Variants in DUSP22 observed in about 807,000 individuals in gnomAD.
DUSP22 encodes the protein dual specificity protein phosphatase 22.
Under a neutral mutation model 24.5 loss-of-function variants are expected in DUSP22, and 24 were observed. The observed-to-expected ratio is 0.98, with a 90% confidence interval of 0.71 to 1.38. DUSP22 has a LOEUF of 1.38. Ranked by LOEUF, DUSP22 falls within the 40% of genes most tolerant of loss-of-function variation. The pLI is 0.00. For synonymous variants in DUSP22, 160 were observed against 106.4 expected (o/e 1.50, Z -3.10); for missense variants, 330 against 269.2 (o/e 1.23, Z -1.58).
intron 2 of DUSP22, among the ~76,000 whole-genome samples, chr6:306,917 T>C (rs1757836259): frequency 6.6e-6 from 1 of 152,306 alleles, no homozygotes; most frequent in Admixed American, 6.5e-5. Context: ...GTAGCGGGGC[T>C]GACCCAGACA....
chr6:348,131 C>G lies in DUSP22; in HGVS notation c.292C>G (p.Leu98Val), dbSNP rs369725676. ...GGCCGGGGTCTCCAGGAGCGTGACACTGGTGATCGCATACATCATGACCGT... is the reference window on the plus strand; with the variant it reads ...GGCCGGGGTCTCCAGGAGCGTGACAGTGGTGATCGCATACATCATGACCGT... Reference protein sequence around the residue: ...CLAGVSRSVTLVIAYIMTVTD... With the variant: ...CLAGVSRSVTVVIAYIMTVTD... The change falls in exon 6 of 7, where the codon CTG becomes GTG. Residue 98 changes from leucine (L) to valine (V), a missense_variant. Physicochemically the swap from Leu to Val is conservative, Grantham distance 32 (BLOSUM62 1). Transcript: ENST00000419235. The G allele has an allele frequency of 5.6e-6, 9 of 1,614,164 alleles. No individual in the cohort carries two copies. The highest frequency in any genetic ancestry group is 6.8e-6 in the Non-Finnish European group (8 of 1,180,050).
intron 4 of DUSP22, among the ~76,000 whole-genome samples, chr6:336,198 G>A (rs1051714992): frequency 7.2e-5 from 11 of 152,420 alleles, no homozygotes; most frequent in African/African-American, 2.4e-4. Flanking sequence ...ATGCCACTGA[G>A]TCTGGCCTCT....
At chr6:331,930 G>C (rs1481904242) in intron 3 of DUSP22, among the ~76,000 whole-genome samples, 1 of 152,312 alleles carries the variant, frequency 6.6e-6, no homozygotes, top group Admixed American at 6.5e-5. Context: ...GTGGCCAGGA[G>C]GGACGCTGGT....
chr6:347,823 C>T (rs1164103671), intron 5 of DUSP22, among the ~76,000 whole-genome samples: 1 of 152,296 alleles, frequency 6.6e-6, no homozygotes, highest in Admixed American at 6.5e-5. Context: ...TGAGGAGGGG[C>T]TGAGGAGCAA....
At chr6:334,702 G>A (rs923743177) in intron 3 of DUSP22, among the ~76,000 whole-genome samples, 6 of 152,296 alleles carry the variant, frequency 3.9e-5, no homozygotes, top group Non-Finnish European at 7.3e-5. Context: ...TTTCACTCTT[G>A]TTAAGGTTTT....
intron 2 of DUSP22, among the ~76,000 whole-genome samples, chr6:306,748 A>G (rs1757828068): frequency 6.6e-6 from 1 of 152,308 alleles, no homozygotes; most frequent in South Asian, 2.1e-4. Flanking sequence ...TATCGGGAAC[A>G]CACGATGTGC....
intron 3 of DUSP22, among the ~76,000 whole-genome samples, chr6:333,102 C>T (rs1241656322): frequency 1.3e-5 from 2 of 152,290 alleles, no homozygotes; most frequent in Non-Finnish European, 2.9e-5. Context: ...CCTTGAAGTC[C>T]GAGCTGTAAT....
chr6:336,280 C>T (rs909219364), intron 4 of DUSP22, among the ~76,000 whole-genome samples: 8 of 152,300 alleles, frequency 5.3e-5, no homozygotes, highest in Non-Finnish European at 8.8e-5. Flanking sequence ...CTGTGTGTTA[C>T]TGCATGTCAC....
At position 311,892 on chromosome 6, in the gene DUSP22, C is replaced by T. The variant is rs147959810; in HGVS notation, c.68C>T (p.Ala23Val). The T allele has an allele frequency of 4.2e-5, 68 of 1,611,936 alleles. No homozygotes were observed. The highest frequency in any genetic ancestry group is 2.2e-4 in the East Asian group (10 of 44,676). ...TCTTCTCTGACAGATGCCAGAGACG[C>T]GGAACAATTGAGCAAGAACAAGGTG... is the stretch of plus-strand genomic sequence containing the variant. ...YIGNFKDARD[A>V]EQLSKNKVTH... The change falls in exon 3 of 7, where the codon GCG (alanine) becomes GTG (valine). Residue 23 changes from alanine to valine, a missense_variant. Transcript: ENST00000419235.
rs751391694 is a variant in DUSP22, at chr6:311,982, C to T, written c.138+20C>T. On this transcript the variant is annotated intron_variant, in intron 3 of 6. Coordinates refer to ENST00000419235, the MANE Select transcript of DUSP22 (RefSeq NM_001286555.3). The stretch of plus-strand genomic sequence containing the variant: ...TTGGAGGTAAGAGAGCACCGTGGGG[C>T]GTGTGTGGGTGTCCTCATTTGTATT... 32 of 1,604,144 alleles carry T rather than the reference C, an allele frequency of 2.0e-5. No homozygotes were observed. Among genetic ancestry groups the T allele is most frequent in the South Asian group, 7.8e-5 (7 of 89,832 alleles).
At chr6:308,839 G>C (rs940995527) in intron 2 of DUSP22, among the ~76,000 whole-genome samples, 1 of 152,308 alleles carries the variant, frequency 6.6e-6, no homozygotes, top group Non-Finnish European at 1.5e-5. Flanking sequence ...AAACAAATAC[G>C]GATGGTTGAC....
At chr6:307,869 G>A (rs1246561985) in intron 2 of DUSP22, among the ~76,000 whole-genome samples, 2 of 152,308 alleles carry the variant, frequency 1.3e-5, no homozygotes, top group Middle Eastern at 3.2e-3. Flanking sequence ...TTTGGACAAG[G>A]CCAGCCTGGT....
In DUSP22 at chr6:311,959, G is replaced by A. The variant is rs1225798707; in HGVS notation, c.135G>A (p.Leu45=). ...LSVHDSARPM[L]EGVKYLCIPA... is the part of the protein sequence containing the mutation. ...TCCACGATAGTGCCAGGCCTATGTT[G>A]GAGGTAAGAGAGCACCGTGGGGCGT... The change falls in exon 3 of 7, where the codon TTG becomes TTA. Residue 45 remains leucine, a synonymous_variant. Coordinates refer to ENST00000419235, the MANE Select transcript of DUSP22 (RefSeq NM_001286555.3). The A allele has an allele frequency of 5.0e-6, 8 of 1,611,154 alleles. No individual in the cohort carries two copies. Among genetic ancestry groups the A allele is most frequent in the Non-Finnish European group, 6.8e-6 (8 of 1,178,478 alleles).
At chr6:317,263 G>A (rs1387959876) in intron 3 of DUSP22, among the ~76,000 whole-genome samples, 2 of 152,296 alleles carry the variant, frequency 1.3e-5, no homozygotes, top group African/African-American at 2.4e-5. Context: ...CAGCGGCCAC[G>A]TGGGCCTGAG....
intron 5 of DUSP22, 63 bp from the exon 6 acceptor site, chr6:348,040 A>C: frequency 1.9e-6 from 3 of 1,599,746 alleles, no homozygotes. Context: ...CTCCACATGG[A>C]TTGGGCGATG....
At chr6:324,849 C>A (rs1342540151) in intron 3 of DUSP22, among the ~76,000 whole-genome samples, 1 of 152,304 alleles carries the variant, frequency 6.6e-6, no homozygotes, top group Non-Finnish European at 1.5e-5. Context: ...AGCTGAGGGA[C>A]CCATTCCATC....
intron 1 of DUSP22, among the ~76,000 whole-genome samples, chr6:293,417 A>G (rs564319916): frequency 6.6e-6 from 1 of 152,408 alleles, no homozygotes; most frequent in South Asian, 2.1e-4. Context: ...AAGACTTTAC[A>G]AAGCCCGCAA....
At chr6:298,028 A>G (rs1266990468) in intron 1 of DUSP22, among the ~76,000 whole-genome samples, 1 of 152,306 alleles carries the variant, frequency 6.6e-6, no homozygotes. Flanking sequence ...AGCCTCCTGC[A>G]GGAAATGAAC....
chr6:349,386 T>C lies in DUSP22; in HGVS notation c.*435T>C. 9.8e-7 allele frequency: 1 copy of C among 1,022,512 alleles called. No individual in the cohort carries two copies. The highest frequency in any genetic ancestry group is 1.2e-6 in the Non-Finnish European group (1 of 853,792). The allele number at this position is 1,022,512 out of a possible 1,614,324, so 63.3% of individuals were successfully genotyped here. A position where few individuals can be genotyped will look rare whatever the true frequency, so the allele number is the denominator to read the frequency against. On this transcript the variant is annotated 3_prime_UTR_variant, in exon 7 of 7. Transcript: ENST00000419235. Reference sequence around the variant, plus strand: ...CTGCTGGAAGTCACAGAATTCATATTGCTGCCCGGGTTGGTGTGGCCACCT... The same window carrying C: ...CTGCTGGAAGTCACAGAATTCATATCGCTGCCCGGGTTGGTGTGGCCACCT...
Sources: gnomAD v4.1 joint callset for allele counts (sites outside exome capture counted in the v4.1 genomes callset) on GRCh38, gnomAD v4.1.1 for gene constraint, MANE v1.5 for transcripts, NCBI Gene and HGNC (gene_info 2026-07-23, HGNC 2026-07-21) for gene names.